The following SLC39A14 variants were observed in gnomAD, a reference collection of about 807,000 sequenced individuals.
SLC39A14 encodes the protein solute carrier family 39 member 14.
Under a neutral mutation model 45.5 loss-of-function variants are expected in SLC39A14, and 19 were observed. The ratio of observed to expected loss-of-function variants is 0.42; its 90% confidence interval spans 0.29 to 0.61. The LOEUF (loss-of-function observed/expected upper bound fraction) is 0.61, where lower values mean the gene tolerates loss of function less well. Ranked by LOEUF, SLC39A14 falls within the 20% of genes least tolerant of loss-of-function variation. The probability of loss-of-function intolerance (pLI) is 0.22; values close to 1 mark genes in which losing one functional copy is unlikely to be tolerated. For missense variants in SLC39A14, 447 were observed against 616.5 expected (o/e 0.73, Z 2.91); for synonymous variants, 264 against 251.3 (o/e 1.05, Z -0.48).
At chr8:22,414,673 T>C (rs938926546) in intron 4 of SLC39A14, 107 bp from the exon 5 acceptor site, 40 of 1,212,294 alleles carry the variant, frequency 3.3e-5, no homozygotes, top group Non-Finnish European at 4.0e-5. Context: ...TACTCCATTA[T>C]GCCTCTCTCC....
At chr8:22,405,712 T>A (rs539826889) in intron 2 of SLC39A14, among the ~76,000 whole-genome samples, 1 of 152,208 alleles carries the variant, frequency 6.6e-6, no homozygotes, top group South Asian at 2.1e-4. Flanking sequence ...GCAGGTGAGA[T>A]TATCTGCATT....
intron 1 of SLC39A14, among the ~76,000 whole-genome samples, chr8:22,373,292 A>G (rs1266118368): frequency 6.6e-6 from 1 of 152,074 alleles, no homozygotes; most frequent in Non-Finnish European, 1.5e-5. Flanking sequence ...ATGAAAAATA[A>G]CTATATTTTC....
intron 5 of SLC39A14, 105 bp from the exon 6 acceptor site, chr8:22,415,664 A>T: frequency 1.9e-6 from 2 of 1,026,284 alleles, no homozygotes; most frequent in South Asian, 3.2e-5. Flanking sequence ...TTCGATGGTA[A>T]GGCTGAGGTC....
downstream of SLC39A14, among the ~76,000 whole-genome samples, chr8:22,423,815 C>T (rs1342119452): frequency 3.1e-5 from 2 of 64,912 alleles, no homozygotes; most frequent in African/African-American, 1.1e-4. Context: ...TCTCTCTCAT[C>T]TATCTTCCTA....
rs1334680206 is a variant in SLC39A14, at chr8:22,432,815, TTTG to T, written c.1333-1073_1333-1071del. 8.2e-5 allele frequency among the ~76,000 whole-genome samples: 9 copies of T among 109,660 alleles called. 2 individuals carry two copies. The highest frequency in any genetic ancestry group is 1.0e-4 in the Non-Finnish European group (6 of 58,518). The allele number at this position is 109,660 out of a possible 152,430, so 71.9% of individuals were successfully genotyped here. On this transcript the variant is annotated intron_variant, in intron 8 of 8. Coordinates refer to the SLC39A14 transcript ENST00000240095. Reference sequence around the variant, plus strand: ...GGCACCCGCCACAACACCCGGCTATTTTGTTTTTTTTTTTTTTTTGTAGAGATG... The same window carrying T: ...GGCACCCGCCACAACACCCGGCTATTTTTTTTTTTTTTTTTTGTAGAGATG...
intron 8 of SLC39A14, among the ~76,000 whole-genome samples, chr8:22,432,307 T>G (rs2132404654): frequency 6.6e-6 from 1 of 152,224 alleles, no homozygotes; most frequent in East Asian, 1.9e-4. Flanking sequence ...CACTCCAGCT[T>G]GGGCGACAGA....
Position 22,420,399 on chromosome 8 carries a change from G to T in SLC39A14, c.*701G>T. 1 of 985,446 alleles carries T rather than the reference G, an allele frequency of 1.0e-6. No homozygotes were observed. The highest frequency in any genetic ancestry group is 4.7e-5 in the South Asian group (1 of 21,276). The allele number at this position is 985,446 out of a possible 1,614,324, so 61.0% of individuals were successfully genotyped here. On this transcript the variant is annotated 3_prime_UTR_variant, in exon 9 of 9. Transcript: ENST00000381237. The stretch of plus-strand genomic sequence containing the variant: ...AGCACCTGGTGTTTCACGGCTGTCC[G>T]AGTGAGCTAACGTGGCGGTGTGGCT...
At chr8:22,408,069 C>T (rs538192611) in intron 2 of SLC39A14, among the ~76,000 whole-genome samples, 23 of 152,270 alleles carry the variant, frequency 1.5e-4, no homozygotes, top group Non-Finnish European at 3.4e-4. Flanking sequence ...CATTTACCGA[C>T]GGTTGTGCTT....
At chr8:22,402,749 A>G (rs1834950817) in intron 1 of SLC39A14, among the ~76,000 whole-genome samples, 1 of 148,542 alleles carries the variant, frequency 6.7e-6, no homozygotes, top group South Asian at 2.2e-4. Context: ...AGCCTGGGCA[A>G]TAGAGTGAGA....
Position 22,367,551 on chromosome 8 carries a change from G to C in SLC39A14, c.-16+143G>C, listed in dbSNP as rs1160190514. 1 of 152,552 alleles carries C rather than the reference G, an allele frequency of 6.6e-6. No individual in the cohort carries two copies. The highest frequency in any genetic ancestry group is 1.5e-5 in the Non-Finnish European group (1 of 68,348). 9.4% of individuals were successfully genotyped at this position (152,552 alleles called of 1,614,324 possible). Reference sequence around the variant, plus strand: ...CCGGGCACCGGCACACGCCCGGACGGCTGGGTGGAGGCTGCACCTGGCCGT... The same window carrying C: ...CCGGGCACCGGCACACGCCCGGACGCCTGGGTGGAGGCTGCACCTGGCCGT... On this transcript the variant is annotated intron_variant, in intron 1 of 8. Transcript: ENST00000381237. This position sits in a 1 kb window ranked among gnomAD's most constrained non-coding sequence, Gnocchi z 4.2.
Position 22,420,617 on chromosome 8 carries a change from C to A in SLC39A14, c.*919C>A. 5.1e-6 allele frequency: 5 copies of A among 985,410 alleles called. No homozygotes were observed. Among genetic ancestry groups the A allele is most frequent in the Non-Finnish European group, 6.0e-6 (5 of 829,930 alleles). The allele number at this position is 985,410 out of a possible 1,614,324, so 61.0% of individuals were successfully genotyped here. On this transcript the variant is annotated 3_prime_UTR_variant, in exon 9 of 9. Transcript: ENST00000381237. ...TGTGTTAGAGGGGAGACTGCACAAA[C>A]TATCCTCCCCCAGGTTGAGACGTCT...
intron 1 of SLC39A14, among the ~76,000 whole-genome samples, chr8:22,383,648 G>A (rs1413841548): frequency 1.3e-5 from 2 of 152,114 alleles, no homozygotes; most frequent in Non-Finnish European, 2.9e-5. Context: ...CTGCAGGGAG[G>A]CTGGCCCTGC....
intron 1 of SLC39A14, among the ~76,000 whole-genome samples, chr8:22,381,371 C>G (rs761455427): frequency 6.6e-6 from 1 of 150,990 alleles, no homozygotes; most frequent in Non-Finnish European, 1.5e-5. Flanking sequence ...CCCGGGTTCA[C>G]GCCATTCTCC....
At chr8:22,400,711 G>A (rs182940308) in intron 1 of SLC39A14, among the ~76,000 whole-genome samples, 3 of 152,292 alleles carry the variant, frequency 2.0e-5, no homozygotes, top group African/African-American at 4.8e-5. Context: ...GATTCTGTGC[G>A]TGCCCCATAC....
chr8:22,413,549 G>A (rs1419830106), intron 4 of SLC39A14, among the ~76,000 whole-genome samples: 2 of 152,112 alleles, frequency 1.3e-5, no homozygotes, highest in Non-Finnish European at 2.9e-5. Flanking sequence ...TTGTTTCCCT[G>A]GAGGGTGGTG....
At chr8:22,406,859 C>T (rs939702508) in intron 2 of SLC39A14, among the ~76,000 whole-genome samples, 6 of 152,076 alleles carry the variant, frequency 3.9e-5, no homozygotes, top group African/African-American at 9.7e-5. Context: ...CTCGGGGTGG[C>T]GGGAGTCCAG....
chr8:22,381,566 G>A lies in SLC39A14; in HGVS notation c.-16+14158G>A, dbSNP rs191184701. On this transcript the variant is annotated intron_variant, in intron 1 of 8. Transcript: ENST00000381237. ...ATTACAGGCGTGAGCCATAGCGCCC[G>A]GCCCCTAAATTTTTTTAAATGCAAG... 3.6e-4 allele frequency among the ~76,000 whole-genome samples: 55 copies of A among 152,280 alleles called. No homozygotes were observed. In the South Asian group the frequency reaches 9.5e-3, roughly 26 times the overall value.
chr8:22,378,434 T>C (rs1833326096), intron 1 of SLC39A14, among the ~76,000 whole-genome samples: 1 of 152,190 alleles, frequency 6.6e-6, no homozygotes, highest in African/African-American at 2.4e-5. Flanking sequence ...TGTGGAAAAT[T>C]CAGCTCCTTG....
chr8:22,407,482 T>C (rs1033668665), intron 2 of SLC39A14, among the ~76,000 whole-genome samples: 2 of 151,048 alleles, frequency 1.3e-5, no homozygotes, highest in African/African-American at 4.9e-5. Context: ...TGCCTCAGCC[T>C]CCCGAGTAGC....
Sources: gnomAD v4.1 joint callset for allele counts (sites outside exome capture counted in the v4.1 genomes callset) on GRCh38, gnomAD v4.1.1 for gene constraint, Gnocchi (gnomAD v3.1) non-coding constraint, MANE v1.5 for transcripts, NCBI Gene and HGNC (gene_info 2026-07-23, HGNC 2026-07-21) for gene names.